Variants in CDC14B observed in about 807,000 individuals in gnomAD.
The protein encoded by CDC14B is dual specificity protein phosphatase CDC14B.
CDC14B carries 22 observed loss-of-function variants against 64.2 expected under a neutral mutation model. That is an observed-to-expected ratio of 0.34 (90% CI 0.24 to 0.49). The LOEUF (loss-of-function observed/expected upper bound fraction) is 0.49. Ranked by LOEUF, CDC14B falls within the 20% of genes least tolerant of loss-of-function variation. The pLI, the probability that CDC14B is intolerant of heterozygous loss-of-function variation, is 0.99. For missense variants in CDC14B, 498 were observed against 629.9 expected, an observed-to-expected ratio of 0.79 and a Z score of 2.24; for synonymous variants, 191 against 215.8, an observed-to-expected ratio of 0.89 and a Z score of 1.01.
At chr9:96,510,744 C>T (rs910566746) in intron 12 of CDC14B, among the ~76,000 whole-genome samples, 10 of 151,684 alleles carry the variant, frequency 6.6e-5, no homozygotes, top group Admixed American at 3.3e-4. Flanking sequence ...TAGCTGGGAC[C>T]GCAGGCGCCC....
At chr9:96,544,987 C>A (rs1324530020) in intron 5 of CDC14B, among the ~76,000 whole-genome samples, 1 of 152,164 alleles carries the variant, frequency 6.6e-6, no homozygotes. Context: ...ACCAGGACCA[C>A]CCCACCTGTT....
At chr9:96,555,133 T>C (rs916469646) in intron 4 of CDC14B, among the ~76,000 whole-genome samples, 1 of 152,212 alleles carries the variant, frequency 6.6e-6, no homozygotes, top group African/African-American at 2.4e-5. Context: ...GAGTCTCATC[T>C]GCTGGCATTT....
At chr9:96,600,383 CT>C (rs1846355678) in intron 1 of CDC14B, among the ~76,000 whole-genome samples, 1 of 151,994 alleles carries the variant, frequency 6.6e-6, no homozygotes, top group African/African-American at 2.4e-5. Flanking sequence ...AGGCTCTTCA[CT>C]TTATACTTAT....
intron 1 of CDC14B, among the ~76,000 whole-genome samples, chr9:96,574,770 A>G (rs1371467293): frequency 6.6e-6 from 1 of 151,796 alleles, no homozygotes; most frequent in African/African-American, 2.4e-5. Context: ...ATTTAAAAAG[A>G]TAACTCACAG....
At chr9:96,603,833 C>T (rs1247344021) in intron 1 of CDC14B, among the ~76,000 whole-genome samples, 1 of 152,168 alleles carries the variant, frequency 6.6e-6, no homozygotes, top group African/African-American at 2.4e-5. Context: ...TAGTAAACAG[C>T]ACTGAGTGAC....
At chr9:96,611,791 T>C (rs1847339504) in intron 1 of CDC14B, among the ~76,000 whole-genome samples, 1 of 152,222 alleles carries the variant, frequency 6.6e-6, no homozygotes, top group Admixed American at 6.5e-5. Context: ...ACCATTAGTT[T>C]CAAATCTTTT....
intron 1 of CDC14B, among the ~76,000 whole-genome samples, chr9:96,598,515 T>G (rs1846230329): frequency 6.6e-6 from 1 of 152,190 alleles, no homozygotes; most frequent in African/African-American, 2.4e-5. Flanking sequence ...TTTTGTATTT[T>G]CAGTAGAGAC....
In CDC14B at chr9:96,585,912, C is replaced by T. The variant is rs1369497436; in HGVS notation, c.161-20429G>A. Among the ~76,000 whole-genome samples, 5 of 152,308 alleles carry T rather than the reference C, an allele frequency of 3.3e-5. No homozygotes were observed. The East Asian group carries it at 9.6e-4, about 29-fold the overall frequency. ...CATATATTCATACAAGGGAACACCG[C>T]TCAGCAGTAACAAAGGAATGAAGTA... On this transcript the variant is annotated intron_variant, in intron 1 of 13. Transcript: ENST00000375241.
chr9:96,492,391 T>C (rs1215735764), exon 14 of CDC14B: 2 of 152,406 alleles, frequency 1.3e-5, no homozygotes, highest in African/African-American at 4.8e-5. Context: ...GCACAGCCTG[T>C]CACCAGGTGG....
chr9:96,604,346 TTA>T (rs1564388672), intron 1 of CDC14B, among the ~76,000 whole-genome samples: 1,685 of 51,272 alleles, frequency 0.033, 28 homozygotes, highest in African/African-American at 0.082. Flanking sequence ...CTTGCATTTA[TTA>T]TTATTATTAT....
chr9:96,551,648 T>C, intron 5 of CDC14B, 148 bp downstream of exon 5: 1 of 1,095,496 alleles, frequency 9.1e-7, no homozygotes. Flanking sequence ...GTCAACAGTG[T>C]CACTGTGGAA....
rs1021186394 is a variant in CDC14B at position 96,619,708 on chromosome 9, C to CG, written c.-331_-330insC. 18 of 150,102 alleles carry CG rather than the reference C, an allele frequency of 1.2e-4. No homozygotes were observed. The highest frequency in any genetic ancestry group is 4.1e-4 in the African/African-American group (17 of 41,216). 9.3% of individuals were successfully genotyped at this position (150,102 alleles called of 1,614,324 possible). A position where few individuals can be genotyped will look rare whatever the true frequency, so the allele number is the denominator to read the frequency against. On this transcript the variant is annotated 5_prime_UTR_variant, in exon 1 of 14. An upstream open reading frame in the 5' UTR gains an earlier in-frame stop. Transcript: ENST00000375241. The stretch of plus-strand genomic sequence containing the variant: ...TGGCGCGGCCGAGGCGACGGGGCTG[C>CG]AGCTGGCGGCCGGAGCTGCCCGGGG...
intron 9 of CDC14B, among the ~76,000 whole-genome samples, chr9:96,529,708 G>T (rs760330454): frequency 6.6e-6 from 1 of 151,902 alleles, no homozygotes; most frequent in African/African-American, 2.4e-5. Context: ...GTCCAGGGTG[G>T]TCTTAAACTC....
chr9:96,550,334 T>C (rs578163662), intron 5 of CDC14B, among the ~76,000 whole-genome samples: 27 of 152,374 alleles, frequency 1.8e-4, no homozygotes, highest in Admixed American at 2.6e-4. Flanking sequence ...CAATTTTTCA[T>C]GCAGCGTATT....
At chr9:96,602,200 T>C (rs1335096208) in intron 1 of CDC14B, among the ~76,000 whole-genome samples, 1 of 152,174 alleles carries the variant, frequency 6.6e-6, no homozygotes, top group African/African-American at 2.4e-5. Flanking sequence ...GAAAAAGGCA[T>C]CTAAATGTTA....
In CDC14B at chr9:96,593,465, C is replaced by A. The variant is rs181856411; in HGVS notation, c.160+25754G>T. On this transcript the variant is annotated intron_variant, in intron 1 of 13. Coordinates refer to ENST00000375241, the MANE Select transcript of CDC14B (RefSeq NM_033331.4). Reference sequence around the variant, plus strand: ...TGGCACCACTGCACTCCAGAACGGGCGACAGAGCAAGACTTGGTCTCAAAA... The same window carrying A: ...TGGCACCACTGCACTCCAGAACGGGAGACAGAGCAAGACTTGGTCTCAAAA... Among the ~76,000 whole-genome samples, 48 of 140,214 alleles carry A rather than the reference C, an allele frequency of 3.4e-4. No individual in the cohort carries two copies. In the East Asian group the frequency reaches 8.6e-3, roughly 25 times the overall value. 92.0% of individuals were successfully genotyped at this position (140,214 alleles called of 152,430 possible). A position where few individuals can be genotyped will look rare whatever the true frequency, so the allele number is the denominator to read the frequency against.
intron 1 of CDC14B, among the ~76,000 whole-genome samples, chr9:96,594,741 C>G (rs988534281): frequency 6.7e-6 from 1 of 148,902 alleles, no homozygotes; most frequent in African/African-American, 2.5e-5. Context: ...AAAAAAAAGC[C>G]CAGGAGAGAA....
At chr9:96,550,789 C>T (rs371993714) in intron 5 of CDC14B, among the ~76,000 whole-genome samples, 1 of 152,156 alleles carries the variant, frequency 6.6e-6, no homozygotes, top group African/African-American at 2.4e-5. Flanking sequence ...GATTTAAGCA[C>T]TAGTCTTCTA....
At chr9:96,565,578 AT>A in intron 1 of CDC14B, 95 bp from the exon 2 acceptor site, 1 of 837,430 alleles carries the variant, frequency 1.2e-6, no homozygotes, top group Non-Finnish European at 2.1e-6. Context: ...TCAATTTTTC[AT>A]TTTTTTCATG....
Sources: allele counts gnomAD v4.1 joint callset (sites outside exome capture counted in the v4.1 genomes callset), GRCh38; gene constraint gnomAD v4.1.1; transcripts MANE v1.5; gene names NCBI Gene and HGNC (gene_info 2026-07-23, HGNC 2026-07-21).